The following PTER variants were observed in gnomAD, a reference collection of about 807,000 sequenced individuals.
The protein encoded by PTER is phosphotriesterase related.
In PTER, 38 loss-of-function variants were observed where a neutral mutation model predicts 29.6. That is an observed-to-expected ratio of 1.28 (90% CI 0.99 to 1.68). The LOEUF (loss-of-function observed/expected upper bound fraction) is 1.68, where lower values mean the gene tolerates loss of function less well. PTER is among the 40% of genes most tolerant of loss of function. The pLI is 0.00. For missense variants in PTER, 482 were observed against 427.8 expected (o/e 1.13, Z -1.12); for synonymous variants, 172 against 154.5 (o/e 1.11, Z -0.84).
intron 3 of PTER, among the ~76,000 whole-genome samples, chr10:16,502,938 GA>G (rs1450626919): frequency 7.2e-6 from 1 of 138,718 alleles, no homozygotes; most frequent in Non-Finnish European, 1.5e-5. Flanking sequence ...GCATTGAGCC[GA>G]GATCACGCCA....
intron 1 of PTER, among the ~76,000 whole-genome samples, chr10:16,458,662 G>T (rs567073416): frequency 6.6e-6 from 1 of 152,196 alleles, no homozygotes; most frequent in African/African-American, 2.4e-5. Context: ...AGTGCATGGC[G>T]AGTGTAAGCT....
At chr10:16,471,774 A>G (rs1219478592) in intron 1 of PTER, among the ~76,000 whole-genome samples, 1 of 152,238 alleles carries the variant, frequency 6.6e-6, no homozygotes, top group Admixed American at 6.5e-5. Context: ...ATATGTAAAC[A>G]TTCCTATGTT....
chr10:16,479,206 G>C (rs943417467), intron 1 of PTER, among the ~76,000 whole-genome samples: 4 of 152,164 alleles, frequency 2.6e-5, no homozygotes, highest in African/African-American at 9.7e-5. Context: ...AACTTGCTGG[G>C]TCCCATTATT....
intron 1 of PTER, among the ~76,000 whole-genome samples, chr10:16,477,302 G>GTCT (rs1187346995): frequency 1.2e-5 from 1 of 80,516 alleles, no homozygotes; most frequent in African/African-American, 9.3e-5. Context: ...ATAGATAGAT[G>GTCT]GATGTCTGTC....
intron 3 of PTER, among the ~76,000 whole-genome samples, chr10:16,501,693 C>A (rs1053477761): frequency 6.6e-6 from 1 of 152,150 alleles, no homozygotes; most frequent in African/African-American, 2.4e-5. Context: ...CACATTCAGT[C>A]ATTGTAATTC....
At position 16,482,330 on chromosome 10, in the gene PTER, TC is replaced by T. The variant is rs980859535; in HGVS notation, c.-48-2003del. On this transcript the variant is annotated intron_variant, in intron 1 of 4. Coordinates refer to ENST00000535784, the MANE Select transcript of PTER (RefSeq NM_001261836.2). ...TGTGTACTATACCCTTCACAAATTT[TC>T]CCCTTTGTTCCCCCAAATCATCTCC... Among the ~76,000 whole-genome samples the T allele has an allele frequency of 4.6e-5, 7 of 152,268 alleles. No homozygotes were observed. In the South Asian group the frequency reaches 8.3e-4, roughly 18 times the overall value.
At chr10:16,510,847 G>C (rs1836781419) in intron 4 of PTER, among the ~76,000 whole-genome samples, 199 bp from the exon 5 acceptor site, 2 of 152,136 alleles carry the variant, frequency 1.3e-5, no homozygotes, top group African/African-American at 4.8e-5. Context: ...CATGGAATAA[G>C]GATATGTTCC....
chr10:16,474,208 G>C (rs1351029182), intron 1 of PTER, among the ~76,000 whole-genome samples: 2 of 152,150 alleles, frequency 1.3e-5, no homozygotes, highest in Non-Finnish European at 2.9e-5. Context: ...AAGTGCTTCA[G>C]AATAGAAGTT....
downstream of PTER, among the ~76,000 whole-genome samples, chr10:16,517,718 G>A (rs1836975251): frequency 6.6e-6 from 1 of 152,124 alleles, no homozygotes; most frequent in African/African-American, 2.4e-5. Flanking sequence ...GTCTGCAATA[G>A]GTTTCATAGT....
At chr10:16,445,757 C>T (rs1052374605) in intron 1 of PTER, among the ~76,000 whole-genome samples, 17 of 152,114 alleles carry the variant, frequency 1.1e-4, no homozygotes, top group Non-Finnish European at 2.5e-4. Context: ...GAAAACATTC[C>T]CTGCTGTTGT....
intron 2 of PTER, among the ~76,000 whole-genome samples, chr10:16,485,738 G>T (rs1456390240): frequency 3.3e-5 from 5 of 152,132 alleles, no homozygotes; most frequent in Admixed American, 2.6e-4. Flanking sequence ...TAGTAGTATA[G>T]TGTGCTGTGA....
intron 1 of PTER, among the ~76,000 whole-genome samples, chr10:16,481,755 G>T (rs974186049): frequency 6.6e-6 from 1 of 152,184 alleles, no homozygotes; most frequent in African/African-American, 2.4e-5. Context: ...TCTAGCAAAA[G>T]TGGTAGCATT....
chr10:16,468,925 C>T (rs371046991), intron 1 of PTER, among the ~76,000 whole-genome samples: 6 of 151,594 alleles, frequency 4.0e-5, no homozygotes, highest in Middle Eastern at 3.4e-3. Flanking sequence ...CAATGAGCTA[C>T]GATCATACCC....
intron 1 of PTER, among the ~76,000 whole-genome samples, chr10:16,475,697 G>T (rs946493260): frequency 7.9e-5 from 12 of 152,150 alleles, no homozygotes; most frequent in African/African-American, 2.9e-4. Context: ...CATCGAAAAC[G>T]TCATTTCCAG....
chr10:16,474,754 G>A (rs1472188739), intron 1 of PTER, among the ~76,000 whole-genome samples: 1 of 152,104 alleles, frequency 6.6e-6, no homozygotes. Flanking sequence ...GGGCATGGTG[G>A]CGTGCACCTG....
At chr10:16,499,071 G>A (rs1836230904) in intron 3 of PTER, among the ~76,000 whole-genome samples, 1 of 152,124 alleles carries the variant, frequency 6.6e-6, no homozygotes, top group Admixed American at 6.5e-5. Context: ...CAACACAAAA[G>A]CAGTTTGGGT....
At chr10:16,438,434 C>T (rs1833731165) in intron 1 of PTER, among the ~76,000 whole-genome samples, 1 of 151,420 alleles carries the variant, frequency 6.6e-6, no homozygotes, top group African/African-American at 2.4e-5. Flanking sequence ...AGGTGCACAC[C>T]ACCACGCCCG....
At chr10:16,442,617 A>G (rs1160043084) in intron 1 of PTER, among the ~76,000 whole-genome samples, 3 of 152,144 alleles carry the variant, frequency 2.0e-5, no homozygotes, top group African/African-American at 7.2e-5. Context: ...AAATAAGTAA[A>G]TAAGAATTAG....
At position 16,484,673 on chromosome 10, in the gene PTER, G is replaced by T; in HGVS notation, c.289G>T (p.Glu97Ter). The T allele has an allele frequency of 1.2e-6, 2 of 1,614,132 alleles. No individual in the cohort carries two copies. Among genetic ancestry groups the T allele is most frequent in the Non-Finnish European group, 1.7e-6 (2 of 1,180,018 alleles). Residue 97 changes from glutamate to a stop codon, truncating the protein, a stop_gained, in exon 2 of 5, where the codon GAA becomes TAA. Transcript: ENST00000535784. LOFTEE classifies it high-confidence loss of function. ...AGCTAATGGTGGAGGGGCTTTGGTG[G>T]AAAACACAACCACTGGGATTAGCCG... Reference protein sequence around the residue: ...FKANGGGALVENTTTGISRDT... With the variant: ...FKANGGGALV
Sources: gnomAD v4.1 joint callset for allele counts (sites outside exome capture counted in the v4.1 genomes callset) on GRCh38, gnomAD v4.1.1 for gene constraint, MANE v1.5 for transcripts, NCBI Gene and HGNC (gene_info 2026-07-23, HGNC 2026-07-21) for gene names.